HDAC9: variants seen among roughly 807,000 people sequenced by gnomAD.
HDAC9 encodes the protein histone deacetylase 9.
In HDAC9, 41 loss-of-function variants were observed where a neutral mutation model predicts 139.4. That is an observed-to-expected ratio of 0.29 (90% CI 0.23 to 0.38). The LOEUF (loss-of-function observed/expected upper bound fraction) is 0.38. HDAC9 is among the 10% of genes least tolerant of loss of function. The pLI, the probability that HDAC9 is intolerant of heterozygous loss-of-function variation, is 1.00. For missense variants in HDAC9, 1,147 were observed against 1,297.0 expected, an observed-to-expected ratio of 0.88 and a Z score of 1.78; for synonymous variants, 517 against 476.2, an observed-to-expected ratio of 1.09 and a Z score of -1.12.
intron 16 of HDAC9, among the ~76,000 whole-genome samples, chr7:18,777,552 A>G (rs752927747): frequency 6.6e-6 from 1 of 152,000 alleles, no homozygotes; most frequent in Non-Finnish European, 1.5e-5. Context: ...TTGTATTTAT[A>G]TAGTGCAAGA....
At chr7:18,391,178 A>T (rs1423735699) in intron 1 of HDAC9, among the ~76,000 whole-genome samples, 1 of 152,028 alleles carries the variant, frequency 6.6e-6, no homozygotes, top group Non-Finnish European at 1.5e-5. Context: ...TGAGGTCAGG[A>T]GTTCGGGACC....
chr7:18,270,463 A>T (rs992840142), intron 2 of HDAC9, among the ~76,000 whole-genome samples: 2 of 152,174 alleles, frequency 1.3e-5, no homozygotes, highest in African/African-American at 2.4e-5. Flanking sequence ...GCTTAATAAT[A>T]TAGAAAAGGC....
chr7:18,200,020 G>T (rs1290249477), intron 2 of HDAC9, among the ~76,000 whole-genome samples: 1 of 152,096 alleles, frequency 6.6e-6, no homozygotes, highest in Non-Finnish European at 1.5e-5. Flanking sequence ...TGACAACTTT[G>T]TTCCATTTAT....
At chr7:18,713,051 A>G (rs1275428242) in intron 12 of HDAC9, among the ~76,000 whole-genome samples, 1 of 152,216 alleles carries the variant, frequency 6.6e-6, no homozygotes, top group Non-Finnish European at 1.5e-5. Flanking sequence ...TTTGATGAGC[A>G]TAGTTAAAAT....
intron 12 of HDAC9, among the ~76,000 whole-genome samples, chr7:18,684,389 C>G (rs1212015161): frequency 6.6e-6 from 1 of 151,894 alleles, no homozygotes; most frequent in Non-Finnish European, 1.5e-5. Flanking sequence ...CCTACAATCC[C>G]AGCACTTTGG....
chr7:18,644,755 A>G lies in HDAC9; in HGVS notation c.997A>G (p.Ile333Val), dbSNP rs747000538. 1 of 1,612,104 alleles carries G rather than the reference A, an allele frequency of 6.2e-7. No homozygotes were observed. Among genetic ancestry groups the G allele is most frequent in the South Asian group, 1.1e-5 (1 of 90,924 alleles). ...SLYTSPSLPNITLGLPAVPSQ... is the reference protein window; with the variant it reads ...SLYTSPSLPNVTLGLPAVPSQ... Reference sequence around the variant, plus strand: ...TTATACCTCTCCTTCTTTGCCCAACATTACCTTGGGGCTTCCCGCAGTGCC... The same window carrying G: ...TTATACCTCTCCTTCTTTGCCCAACGTTACCTTGGGGCTTCCCGCAGTGCC... The change falls in exon 9 of 26, where the codon ATT (isoleucine) becomes GTT (valine). Residue 333 changes from isoleucine (I) to valine (V), a missense_variant. By Grantham distance (29) the Ile-to-Val change is conservative. Transcript: ENST00000686413.
chr7:18,585,247 C>G, intron 2 of HDAC9, 34 bp from the exon 3 acceptor site: 1 of 1,605,926 alleles, frequency 6.2e-7, no homozygotes. Flanking sequence ...ATTACCCTCC[C>G]CCACCCCATT....
rs763792667 is a variant in HDAC9, at chr7:18,824,047, A to AGAGGAAGAG, written c.2323-5112_2323-5111insGGAAGAGGA. Among the ~76,000 whole-genome samples the AGAGGAAGAG allele has an allele frequency of 2.3e-3, 304 of 133,388 alleles. 1 individual carries two copies. The highest frequency in any genetic ancestry group is 5.2e-3 in the African/African-American group (173 of 33,190). 87.5% of individuals were successfully genotyped at this position (133,388 alleles called of 152,430 possible). On this transcript the variant is annotated intron_variant, in intron 17 of 25. Coordinates refer to ENST00000686413, the MANE Select transcript of HDAC9 (RefSeq NM_178425.4). ...AAGAGGAAGAGGAAGAGGAAGAGGA[A>AGAGGAAGAG]GAAGAAGAAGAAGAAGAAGAAGAAG...
intron 2 of HDAC9, among the ~76,000 whole-genome samples, chr7:18,223,231 C>T (rs752170238): frequency 3.3e-5 from 5 of 151,926 alleles, no homozygotes; most frequent in African/African-American, 7.3e-5. Flanking sequence ...GCCTTTGATA[C>T]GTATGTTGTA....
chr7:18,388,129 G>A (rs1425062405), intron 1 of HDAC9, among the ~76,000 whole-genome samples: 1 of 152,124 alleles, frequency 6.6e-6, no homozygotes, highest in African/African-American at 2.4e-5. Context: ...ATGTAGGCTT[G>A]TTTTACAAAA....
chr7:18,262,613 A>AT (rs1795752507), intron 2 of HDAC9, among the ~76,000 whole-genome samples: 1 of 152,150 alleles, frequency 6.6e-6, no homozygotes, highest in African/African-American at 2.4e-5. Context: ...TGTTTGTAAC[A>AT]TTTTTTCTTC....
chr7:18,637,979 T>G (rs1296356586), intron 8 of HDAC9, among the ~76,000 whole-genome samples: 1 of 152,114 alleles, frequency 6.6e-6, no homozygotes, highest in Admixed American at 6.6e-5. Context: ...TAGGATGATT[T>G]TTACAGATGT....
chr7:18,561,784 T>C (rs1383277887), intron 2 of HDAC9, among the ~76,000 whole-genome samples: 1 of 152,260 alleles, frequency 6.6e-6, no homozygotes, highest in African/African-American at 2.4e-5. Flanking sequence ...GTACTTGTTT[T>C]TATTATTGCT....
intron 7 of HDAC9, among the ~76,000 whole-genome samples, chr7:18,634,197 TTTTTCAGACCTA>T (rs1783189095): frequency 6.6e-6 from 1 of 152,058 alleles, no homozygotes. Flanking sequence ...TTGAACAATT[TTTTTCAGACCTA>T]ATGGAATGGG....
intron 24 of HDAC9, among the ~76,000 whole-genome samples, chr7:18,973,048 G>A (rs1784346456): frequency 6.6e-6 from 1 of 152,166 alleles, no homozygotes; most frequent in Non-Finnish European, 1.5e-5. Context: ...AGAGGAAGAG[G>A]CAATTTAAAA....
intron 24 of HDAC9, among the ~76,000 whole-genome samples, chr7:18,963,654 TTTTC>T (rs1211590555): frequency 6.6e-6 from 1 of 151,928 alleles, no homozygotes; most frequent in African/African-American, 2.4e-5. Context: ...AATAACAGAG[TTTTC>T]TTTTTTTCTA....
intron 1 of HDAC9, among the ~76,000 whole-genome samples, chr7:18,332,990 ATTTATG>A (rs1781308608): frequency 6.6e-6 from 1 of 151,614 alleles, no homozygotes; most frequent in Non-Finnish European, 1.5e-5. Flanking sequence ...TTATGCCAAA[ATTTATG>A]TTTATGTCAT....
intron 14 of HDAC9, among the ~76,000 whole-genome samples, chr7:18,750,120 A>G (rs113966775): frequency 0.017 from 2,602 of 152,318 alleles, 74 homozygotes; most frequent in African/African-American, 0.059. Context: ...ATTTTTCAGC[A>G]GGTCAAGTGC....
At chr7:18,591,906 A>G (rs796961264) in intron 5 of HDAC9, among the ~76,000 whole-genome samples, 5 of 152,328 alleles carry the variant, frequency 3.3e-5, no homozygotes, top group Admixed American at 2.0e-4. Context: ...GGTAGCATTT[A>G]TCAACTTGAG....
Sources: gnomAD v4.1 joint callset for allele counts (sites outside exome capture counted in the v4.1 genomes callset) on GRCh38, gnomAD v4.1.1 for gene constraint, MANE v1.5 for transcripts, NCBI Gene and HGNC (gene_info 2026-07-23, HGNC 2026-07-21) for gene names.